NOMO3: variants seen among roughly 807,000 people sequenced by gnomAD.
The protein encoded by NOMO3 is NODAL modulator 3.
NOMO3 carries 15 observed loss-of-function variants against 69.9 expected under a neutral mutation model. The observed-to-expected ratio is 0.21, with a 90% CI of 0.14 to 0.33. The LOEUF is 0.33. Among genes scored for constraint, NOMO3 ranks in the 10% least tolerant of loss-of-function variants. The pLI, the probability that NOMO3 is intolerant of heterozygous loss-of-function variation, is 1.00. For missense variants in NOMO3, 218 were observed against 761.0 expected (o/e 0.29, Z 8.39); for synonymous variants, 89 against 301.9 (o/e 0.29, Z 7.31).
At chr16:16,257,729 C>T (rs1193257564) in intron 11 of NOMO3, among the ~76,000 whole-genome samples, 1 of 143,398 alleles carries the variant, frequency 7.0e-6, no homozygotes, top group Non-Finnish European at 1.5e-5. Context: ...GTGCAGGGAG[C>T]TGGGCCCTGG....
chr16:16,261,305 G>T, intron 11 of NOMO3, 197 bp from the exon 12 acceptor site: 1 of 609,824 alleles, frequency 1.6e-6, no homozygotes, highest in Non-Finnish European at 2.8e-6. Context: ...TCTTGCTTCT[G>T]AAGGTTGCTT....
At chr16:16,268,391 C>T (rs1310410722) in intron 16 of NOMO3, among the ~76,000 whole-genome samples, 15 of 146,026 alleles carry the variant, frequency 1.0e-4, no homozygotes, top group African/African-American at 2.7e-4. Context: ...TCACCTCCTT[C>T]GCCAACATTT....
At chr16:16,250,117 A>G (rs2141251903) in intron 6 of NOMO3, among the ~76,000 whole-genome samples, 1 of 130,590 alleles carries the variant, frequency 7.7e-6, no homozygotes, top group Non-Finnish European at 1.5e-5. Flanking sequence ...AGGTACAGAA[A>G]CAGTTGGATT....
At chr16:16,234,178 ACCT>A (rs2049306723) in intron 1 of NOMO3, among the ~76,000 whole-genome samples, 2 of 151,620 alleles carry the variant, frequency 1.3e-5, no homozygotes, top group South Asian at 4.2e-4. Context: ...TGCCCATGCC[ACCT>A]CCTAGGTCTG....
intron 15 of NOMO3, among the ~76,000 whole-genome samples, chr16:16,266,019 C>T (rs2049616474): frequency 6.9e-6 from 1 of 144,814 alleles, no homozygotes; most frequent in African/African-American, 2.8e-5. Context: ...TGTTCCAGTG[C>T]AGGGGAAGAA....
rs566176356 is a variant in NOMO3, at chr16:16,239,356, A to G, written c.256-495A>G. The stretch of plus-strand genomic sequence containing the variant: ...TTTTTTGTACAGATGGGGTCTTGCT[A>G]TGTTGCTTAGGCTGGTCTTGAACTC... On this transcript the variant is annotated intron_variant, in intron 2 of 30. Coordinates refer to ENST00000399336, the MANE Select transcript of NOMO3 (RefSeq NM_001004067.4). 7.0e-5 allele frequency among the ~76,000 whole-genome samples: 10 copies of G among 143,532 alleles called. 2 individuals carry two copies. Among genetic ancestry groups the G allele is most frequent in the African/African-American group, 2.2e-4 (8 of 35,558 alleles). The allele number at this position is 143,532 out of a possible 152,430, so 94.2% of individuals were successfully genotyped here. A position where few individuals can be genotyped will look rare whatever the true frequency, so the allele number is the denominator to read the frequency against.
At position 16,257,859 on chromosome 16, in the gene NOMO3, C is replaced by T. The variant is rs1201987288; in HGVS notation, c.1220+1701C>T. 1.1e-4 allele frequency among the ~76,000 whole-genome samples: 16 copies of T among 142,700 alleles called. 4 individuals are homozygous for T. The highest frequency in any genetic ancestry group is 4.6e-4 in the African/African-American group (16 of 34,462). The allele number at this position is 142,700 out of a possible 152,430, so 93.6% of individuals were successfully genotyped here. A position where few individuals can be genotyped will look rare whatever the true frequency, so the allele number is the denominator to read the frequency against. On this transcript the variant is annotated intron_variant, in intron 11 of 30. Transcript: ENST00000399336. Reference sequence around the variant, plus strand: ...GGAAGACAGGGAAGCAAATTACCCTCAGAAAGTAATTCTTGGATTTAAGTC... The same window carrying T: ...GGAAGACAGGGAAGCAAATTACCCTTAGAAAGTAATTCTTGGATTTAAGTC...
chr16:16,272,604 A>AC (rs1290561208), intron 18 of NOMO3, among the ~76,000 whole-genome samples: 1 of 109,116 alleles, frequency 9.2e-6, no homozygotes. Context: ...CCCTGGTCTG[A>AC]CCCCCTCCGG....
intron 6 of NOMO3, among the ~76,000 whole-genome samples, chr16:16,250,041 C>T (rs1046633310): frequency 7.4e-6 from 1 of 135,226 alleles, no homozygotes; most frequent in Non-Finnish European, 1.5e-5. Flanking sequence ...GCGACTGTGG[C>T]ACTGTTGCGT....
intron 15 of NOMO3, among the ~76,000 whole-genome samples, chr16:16,266,229 T>G (rs1435309633): frequency 5.9e-5 from 8 of 135,778 alleles, no homozygotes; most frequent in Non-Finnish European, 1.1e-4. Flanking sequence ...GTGTTTCATG[T>G]GCCAACTTAC....
chr16:16,271,809 CCCCTATTGG>C, intron 18 of NOMO3, among the ~76,000 whole-genome samples: 1 of 72,312 alleles, frequency 1.4e-5, no homozygotes, highest in East Asian at 1.0e-3. Flanking sequence ...CCTGAAGGTC[CCCCTATTGG>C]CCGAGTGGAG....
intron 8 of NOMO3, 121 bp downstream of exon 8, chr16:16,252,221 A>G: frequency 1.9e-6 from 3 of 1,571,566 alleles, no homozygotes; most frequent in Non-Finnish European, 2.6e-6. Flanking sequence ...ACATGCTGTT[A>G]AGCAGTAACT....
chr16:16,244,160 T>C lies in NOMO3; in HGVS notation c.402+899T>C, dbSNP rs1200857558. On this transcript the variant is annotated intron_variant, in intron 4 of 30. Transcript: ENST00000399336. The stretch of plus-strand genomic sequence containing the variant: ...TCCTTCCTTCCTGTCCTTCTCTTCA[T>C]GATGGACTTCTTTCTCCTCTACCTT... 1.5e-4 allele frequency among the ~76,000 whole-genome samples: 22 copies of C among 142,264 alleles called. 6 individuals are homozygous for C. Among genetic ancestry groups the C allele is most frequent in the Admixed American group, 1.3e-3 (19 of 14,638 alleles). 93.3% of individuals were successfully genotyped at this position (142,264 alleles called of 152,430 possible).
At chr16:16,255,121 C>T (rs1388418242) in intron 9 of NOMO3, among the ~76,000 whole-genome samples, 10 of 143,756 alleles carry the variant, frequency 7.0e-5, no homozygotes, top group East Asian at 2.3e-4. Context: ...CCATGTTGGC[C>T]AGGCTGGTCT....
intron 1 of NOMO3, chr16:16,235,720 T>C (rs1183204080): frequency 5.1e-6 from 2 of 393,000 alleles, no homozygotes; most frequent in Admixed American, 5.4e-5. Context: ...GGCTGTGTTG[T>C]CCAGGCTGGT....
At chr16:16,241,312 C>A (rs2049372054) in intron 3 of NOMO3, among the ~76,000 whole-genome samples, 1 of 143,274 alleles carries the variant, frequency 7.0e-6, no homozygotes, top group Non-Finnish European at 1.5e-5. Flanking sequence ...ACATTATGAA[C>A]TTTATCTGTA....
chr16:16,269,667 A>AC (rs1271963105), intron 16 of NOMO3, among the ~76,000 whole-genome samples: 1 of 130,268 alleles, frequency 7.7e-6, no homozygotes. Context: ...ACAGACTCAC[A>AC]CTTTTCTGGG....
intron 11 of NOMO3, among the ~76,000 whole-genome samples, chr16:16,257,726 G>T (rs2049523397): frequency 7.0e-6 from 1 of 143,490 alleles, no homozygotes; most frequent in Non-Finnish European, 1.5e-5. Flanking sequence ...GAGGTGCAGG[G>T]AGCTGGGCCC....
At chr16:16,252,927 G>C (rs1351459370) in intron 9 of NOMO3, among the ~76,000 whole-genome samples, 1 of 135,960 alleles carries the variant, frequency 7.4e-6, no homozygotes, top group Non-Finnish European at 1.5e-5. Context: ...ATTGCCTCCA[G>C]GGTTCAAGTG....
Sources: allele counts gnomAD v4.1 joint callset (sites outside exome capture counted in the v4.1 genomes callset), GRCh38; gene constraint gnomAD v4.1.1; transcripts MANE v1.5; gene names NCBI Gene and HGNC (gene_info 2026-07-23, HGNC 2026-07-21).